CACNA2D3: variants seen among roughly 807,000 people sequenced by gnomAD.
CACNA2D3 encodes the protein voltage-dependent calcium channel subunit alpha-2/delta-3.
Under a neutral mutation model 160.6 loss-of-function variants are expected in CACNA2D3, and 60 were observed. The ratio of observed to expected loss-of-function variants is 0.37; its 90% CI spans 0.30 to 0.46. CACNA2D3 has a LOEUF of 0.46. Ranked by LOEUF, CACNA2D3 falls within the 20% of genes least tolerant of loss-of-function variation. The probability of loss-of-function intolerance (pLI) is 1.00; values close to 1 mark genes in which losing one functional copy is unlikely to be tolerated. For synonymous variants in CACNA2D3, 558 were observed against 492.9 expected (o/e 1.13, Z -1.75); for missense variants, 1,205 against 1,365.0 (o/e 0.88, Z 1.85).
chr3:54,393,309 A>G (rs1481640773), intron 4 of CACNA2D3, among the ~76,000 whole-genome samples: 4 of 152,210 alleles, frequency 2.6e-5, no homozygotes, highest in Admixed American at 6.5e-5. Flanking sequence ...GTGTCCACAC[A>G]GCTGCACTTT....
chr3:54,581,918 C>T, intron 9 of CACNA2D3, 41 bp downstream of exon 9: 3 of 1,509,734 alleles, frequency 2.0e-6, no homozygotes, highest in Middle Eastern at 1.7e-4. Flanking sequence ...ATGGTACACC[C>T]CTGTCTCCCT....
intron 25 of CACNA2D3, among the ~76,000 whole-genome samples, chr3:54,895,744 G>C (rs1363746800): frequency 1.3e-5 from 2 of 152,158 alleles, no homozygotes; most frequent in African/African-American, 4.8e-5. Flanking sequence ...GGCCTAACCA[G>C]GCGGTCATCC....
At chr3:54,410,930 T>C (rs1012372776) in intron 4 of CACNA2D3, among the ~76,000 whole-genome samples, 2 of 152,170 alleles carry the variant, frequency 1.3e-5, no homozygotes, top group African/African-American at 4.8e-5. Flanking sequence ...TTCTGATTCA[T>C]GAAAGGAGGT....
chr3:54,719,962 T>C (rs1701139464), intron 11 of CACNA2D3, among the ~76,000 whole-genome samples: 2 of 151,994 alleles, frequency 1.3e-5, no homozygotes, highest in Admixed American at 6.5e-5. Flanking sequence ...TATTTCCTTT[T>C]TCACATGTAA....
chr3:54,514,878 A>G (rs778424324), intron 5 of CACNA2D3, among the ~76,000 whole-genome samples: 1 of 152,202 alleles, frequency 6.6e-6, no homozygotes, highest in African/African-American at 2.4e-5. Context: ...AGGGAGGGTG[A>G]TGCCTTGGAG....
intron 4 of CACNA2D3, among the ~76,000 whole-genome samples, chr3:54,442,422 T>C (rs1700159490): frequency 6.6e-6 from 1 of 152,208 alleles, no homozygotes; most frequent in East Asian, 1.9e-4. Flanking sequence ...TCTGCTACTA[T>C]GAAGATGAAA....
intron 34 of CACNA2D3, among the ~76,000 whole-genome samples, chr3:55,015,783 A>G (rs996411902): frequency 5.9e-5 from 9 of 152,208 alleles, no homozygotes; most frequent in Non-Finnish European, 1.3e-4. Flanking sequence ...AATGAGAGAA[A>G]GAAGTGAAAA....
chr3:54,278,765 A>G (rs1412928148), intron 2 of CACNA2D3, among the ~76,000 whole-genome samples: 5 of 152,080 alleles, frequency 3.3e-5, no homozygotes, highest in Non-Finnish European at 5.9e-5. Context: ...GTTCTCACTC[A>G]TAAGTGGGAG....
intron 12 of CACNA2D3, among the ~76,000 whole-genome samples, chr3:54,755,534 T>C (rs1451453540): frequency 2.0e-5 from 3 of 152,190 alleles, no homozygotes; most frequent in African/African-American, 4.8e-5. Context: ...CCTTCTGCAA[T>C]TGTGTTTCGT....
chr3:55,032,760 A>G (rs1703709720), intron 35 of CACNA2D3, among the ~76,000 whole-genome samples: 1 of 152,080 alleles, frequency 6.6e-6, no homozygotes, highest in Admixed American at 6.6e-5. Context: ...GGTGCCTGGC[A>G]TTTAGTTGGT....
chr3:54,175,127 A>C (rs1700650966), intron 2 of CACNA2D3, among the ~76,000 whole-genome samples: 1 of 152,128 alleles, frequency 6.6e-6, no homozygotes, highest in Non-Finnish European at 1.5e-5. Flanking sequence ...TTTTCTTGCC[A>C]TTTCAAGTGC....
chr3:54,973,947 C>T (rs775414539), intron 29 of CACNA2D3, among the ~76,000 whole-genome samples: 2 of 152,096 alleles, frequency 1.3e-5, no homozygotes, highest in Non-Finnish European at 2.9e-5. Flanking sequence ...TCAGGCCCCA[C>T]CCTCAGATGC....
At chr3:54,489,908 TA>T (rs1385906056) in intron 4 of CACNA2D3, among the ~76,000 whole-genome samples, 3 of 152,054 alleles carry the variant, frequency 2.0e-5, no homozygotes, top group Non-Finnish European at 2.9e-5. Context: ...AACAGATCAT[TA>T]AAAAAATCAT....
intron 2 of CACNA2D3, among the ~76,000 whole-genome samples, chr3:54,250,415 T>C (rs1312659854): frequency 1.3e-5 from 2 of 152,178 alleles, no homozygotes; most frequent in Non-Finnish European, 2.9e-5. Flanking sequence ...ATATATACAA[T>C]TTTTTACTTA....
intron 14 of CACNA2D3, among the ~76,000 whole-genome samples, chr3:54,834,405 A>G (rs1698623799): frequency 6.6e-6 from 1 of 152,192 alleles, no homozygotes; most frequent in African/African-American, 2.4e-5. Context: ...TAAGAGAACT[A>G]TTTACCATGG....
chr3:54,605,562 A>G (rs1698587363), intron 9 of CACNA2D3, among the ~76,000 whole-genome samples: 1 of 151,620 alleles, frequency 6.6e-6, no homozygotes, highest in Non-Finnish European at 1.5e-5. Flanking sequence ...ACTCTTTCTC[A>G]CCCAACCCAC....
intron 2 of CACNA2D3, among the ~76,000 whole-genome samples, chr3:54,276,746 T>C (rs572961787): frequency 6.6e-6 from 1 of 152,128 alleles, no homozygotes; most frequent in African/African-American, 2.4e-5. Flanking sequence ...GTAAAGAAGT[T>C]TTTTTCTGTG....
chr3:54,335,737 G>A (rs1218998716), intron 3 of CACNA2D3, among the ~76,000 whole-genome samples: 1 of 152,026 alleles, frequency 6.6e-6, no homozygotes, highest in African/African-American at 2.4e-5. Flanking sequence ...AGGCGCAGTG[G>A]CTCATGCCTG....
intron 2 of CACNA2D3, among the ~76,000 whole-genome samples, chr3:54,181,812 G>A (rs1370324429): frequency 6.6e-6 from 1 of 152,094 alleles, no homozygotes; most frequent in African/African-American, 2.4e-5. Flanking sequence ...TCCCTGTTTT[G>A]GCCCAGTTTT....
Sources: allele counts gnomAD v4.1 joint callset (sites outside exome capture counted in the v4.1 genomes callset), GRCh38; gene constraint gnomAD v4.1.1; transcripts MANE v1.5; gene names NCBI Gene and HGNC (gene_info 2026-07-23, HGNC 2026-07-21).